The following COL6A6 variants were observed in gnomAD, a reference collection of about 807,000 sequenced individuals.
The protein encoded by COL6A6 is collagen alpha-6(VI) chain.
Under a neutral mutation model 208.6 loss-of-function variants are expected in COL6A6, and 183 were observed. That is an observed-to-expected ratio of 0.88 (90% CI 0.78 to 0.99). The LOEUF is 0.99. Among genes scored for constraint, COL6A6 ranks in the 50% least tolerant of loss-of-function variants. COL6A6 has a pLI of 0.00. For missense variants in COL6A6, 2,816 were observed against 2,815.2 expected, an observed-to-expected ratio of 1.00 and a Z score of -0.01; for synonymous variants, 973 against 1,011.8, an observed-to-expected ratio of 0.96 and a Z score of 0.73.
intron 1 of COL6A6, among the ~76,000 whole-genome samples, chr3:130,556,761 A>T (rs1268766098): frequency 6.6e-6 from 1 of 152,064 alleles, no homozygotes; most frequent in African/African-American, 2.4e-5. Flanking sequence ...AGTCCCCTGA[A>T]GTTCATGTAG....
chr3:130,665,191 A>G lies in COL6A6; in HGVS notation c.6596+95A>G, dbSNP rs1272252022. On this transcript the variant is annotated intron_variant, in intron 36 of 36. Coordinates refer to ENST00000358511, the MANE Select transcript of COL6A6 (RefSeq NM_001102608.3). ...CTTTTCTTGCTTTTCTTCCTCCTCC[A>G]TCTTATTTGGACAAAAATCTATTGC... The G allele has an allele frequency of 7.9e-6, 6 of 757,046 alleles. No individual in the cohort carries two copies. In the East Asian group the frequency reaches 8.7e-5, roughly 11 times the overall value. 46.9% of individuals were successfully genotyped at this position (757,046 alleles called of 1,614,324 possible). A position where few individuals can be genotyped will look rare whatever the true frequency, so the allele number is the denominator to read the frequency against.
At chr3:130,673,551 G>A (rs908347865) in intron 36 of COL6A6, among the ~76,000 whole-genome samples, 8 of 152,212 alleles carry the variant, frequency 5.3e-5, no homozygotes, top group Middle Eastern at 3.4e-3. Flanking sequence ...TGAAAACAGC[G>A]TGCTTCAGAC....
At chr3:130,586,725 T>C in intron 11 of COL6A6, 65 bp downstream of exon 11, 1 of 1,450,862 alleles carries the variant, frequency 6.9e-7, no homozygotes, top group South Asian at 1.4e-5. Context: ...AGTTTAATAC[T>C]TATGCTTAAG....
intron 4 of COL6A6, 68 bp from the exon 5 acceptor site, chr3:130,566,634 T>G (rs1057355410): frequency 2.3e-6 from 3 of 1,321,630 alleles, no homozygotes; most frequent in Admixed American, 2.7e-5. Flanking sequence ...TGTTCTTCTT[T>G]CCATGTGCTC....
rs1338027705 is a variant in COL6A6, at chr3:130,599,201, ATAT to A, written c.4600-552_4600-550del. Among the ~76,000 whole-genome samples the A allele has an allele frequency of 8.5e-5, 13 of 152,358 alleles. No individual in the cohort carries two copies. In the South Asian group the frequency reaches 1.9e-3, roughly 22 times the overall value. ...TTAATGACATTATAACCTTCAGTAA[ATAT>A]TATCTGCCATTATTAGTAAGTGGTA... On this transcript the variant is annotated intron_variant, in intron 19 of 36. Transcript: ENST00000358511.
chr3:130,669,133 G>A (rs1468657678), intron 36 of COL6A6, among the ~76,000 whole-genome samples: 2 of 152,172 alleles, frequency 1.3e-5, no homozygotes, highest in Non-Finnish European at 1.5e-5. Flanking sequence ...GGTGGCTCAC[G>A]CCTCTAATCC....
In COL6A6 at chr3:130,574,195, A is replaced by G; in HGVS notation, c.3217A>G (p.Ile1073Val). Reference sequence around the variant, plus strand: ...ATTTCAGATTGAAAACATCAAGCAGATCTTTGGAAACACACACATCGGTGC... The same window carrying G: ...ATTTCAGATTGAAAACATCAAGCAGGTCTTTGGAAACACACACATCGGTGC... ...ISFQIENIKQ[I>V]FGNTHIGAAL... The change falls in exon 8 of 37, where the codon ATC (isoleucine) becomes GTC (valine). Residue 1073 changes from isoleucine to valine, a missense_variant. Transcript: ENST00000358511. 1 of 1,614,000 alleles carries G rather than the reference A, an allele frequency of 6.2e-7. No homozygotes were observed. Among genetic ancestry groups the G allele is most frequent in the Non-Finnish European group, 8.5e-7 (1 of 1,179,898 alleles).
At position 130,586,636 on chromosome 3, in the gene COL6A6, T is replaced by C; in HGVS notation, c.4101T>C (p.Leu1367=). 1 of 1,612,572 alleles carries C rather than the reference T, an allele frequency of 6.2e-7. No individual in the cohort carries two copies. The highest frequency in any genetic ancestry group is 2.2e-5 in the East Asian group (1 of 44,864). ...RTQLSIGMRE[L]GSRLSKQLVN... ...AGCTCTCTATTGGCATGAGAGAACT[T>C]GGAAGCCGGCTGTCAAAGCAGCTGG... is the stretch of plus-strand genomic sequence containing the variant. Residue 1367 remains leucine, a synonymous_variant, in exon 11 of 37, where the codon CTT becomes CTC. Coordinates refer to ENST00000358511, the MANE Select transcript of COL6A6 (RefSeq NM_001102608.3).
chr3:130,665,238 T>C (rs1002498071), intron 36 of COL6A6, 142 bp downstream of exon 36: 1 of 577,782 alleles, frequency 1.7e-6, no homozygotes. Context: ...AAAATATAAT[T>C]CGAAGGAACA....
intron 27 of COL6A6, 143 bp from the exon 28 acceptor site, chr3:130,635,556 C>G (rs1036860394): frequency 5.2e-5 from 31 of 594,506 alleles, no homozygotes; most frequent in Middle Eastern, 9.0e-4. Context: ...AATGGAAACA[C>G]ACACACTCAC....
rs897896428 is a variant in COL6A6, at chr3:130,641,619, T to C, written c.5092-33T>C. The C allele has an allele frequency of 3.3e-6, 4 of 1,227,588 alleles. No individual in the cohort carries two copies. In the African/African-American group the frequency reaches 4.5e-5, roughly 14 times the overall value. 76.0% of individuals were successfully genotyped at this position (1,227,588 alleles called of 1,614,324 possible). A position where few individuals can be genotyped will look rare whatever the true frequency, so the allele number is the denominator to read the frequency against. On this transcript the variant is annotated intron_variant, in intron 28 of 36. Transcript: ENST00000358511. ...TTACACACACACATACATATATGTATAAATACAATTTTAAAATAAATTCTC... is the reference window on the plus strand; with the variant it reads ...TTACACACACACATACATATATGTACAAATACAATTTTAAAATAAATTCTC...
In COL6A6 at chr3:130,608,800, C is replaced by T. The variant is rs142710463; in HGVS notation, c.4690-102C>T. The stretch of plus-strand genomic sequence containing the variant: ...TTTTTTTTTTTTTTTTGCAAAGATC[C>T]TGCATTGACATTGTGACTGAAAAAA... On this transcript the variant is annotated intron_variant, in intron 21 of 36. Transcript: ENST00000358511. 455 of 151,126 alleles carry T rather than the reference C, an allele frequency of 3.0e-3. 2 individuals are homozygous for T. Among genetic ancestry groups the T allele is most frequent in the Non-Finnish European group, 2.6e-3 (200 of 76,272 alleles). 9.4% of individuals were successfully genotyped at this position (151,126 alleles called of 1,614,324 possible).
chr3:130,606,911 C>T lies in COL6A6; in HGVS notation c.4654-20C>T. 6.3e-7 allele frequency: 1 copy of T among 1,598,644 alleles called. No homozygotes were observed. The highest frequency in any genetic ancestry group is 1.1e-5 in the South Asian group (1 of 88,470). The stretch of plus-strand genomic sequence containing the variant: ...GCATTTTTTCTGAATTAATGATATC[C>T]ACCTTTTCTTCTATTTTAGGCAGCT... On this transcript the variant is annotated intron_variant, in intron 20 of 36. Coordinates refer to ENST00000358511, the MANE Select transcript of COL6A6 (RefSeq NM_001102608.3).
intron 11 of COL6A6, among the ~76,000 whole-genome samples, chr3:130,587,914 T>C (rs2063578864): frequency 6.6e-6 from 1 of 152,194 alleles, no homozygotes; most frequent in Admixed American, 6.5e-5. Context: ...TGGTAATTCA[T>C]AGAGGAAGGA....
chr3:130,595,980 C>T (rs1010408673), intron 18 of COL6A6, among the ~76,000 whole-genome samples: 1 of 152,086 alleles, frequency 6.6e-6, no homozygotes, highest in Non-Finnish European at 1.5e-5. Flanking sequence ...AAAAGCAATA[C>T]CAAGTGCTGA....
At chr3:130,673,219 A>AAAAAAAAAAAC (rs1559810210) in intron 36 of COL6A6, among the ~76,000 whole-genome samples, 2 of 109,630 alleles carry the variant, frequency 1.8e-5, no homozygotes, top group African/African-American at 1.2e-4. Context: ...AAAAAAAACA[A>AAAAAAAAAAAC]AAAAAAAAAA....
At chr3:130,542,898 C>CTTTTTTTTTTT (rs56339748) in intron 1 of COL6A6, among the ~76,000 whole-genome samples, 15 of 92,614 alleles carry the variant, frequency 1.6e-4, no homozygotes, top group African/African-American at 5.8e-4. Context: ...TCCATTCACT[C>CTTTTTTTTTTT]TTTTTTTTTT....
chr3:130,629,880 A>G (rs2064990258), intron 26 of COL6A6, among the ~76,000 whole-genome samples: 1 of 31,978 alleles, frequency 3.1e-5, no homozygotes, highest in Non-Finnish European at 4.3e-5. Context: ...CCTGCCCTAA[A>G]AGAGCTCCTG....
chr3:130,592,674 A>T, intron 14 of COL6A6, 22 bp from the exon 15 acceptor site: 1 of 1,613,102 alleles, frequency 6.2e-7, no homozygotes, highest in South Asian at 1.1e-5. Context: ...TACACTAACT[A>T]TAACTGTCCT....
Sources: allele counts gnomAD v4.1 joint callset (sites outside exome capture counted in the v4.1 genomes callset), GRCh38; gene constraint gnomAD v4.1.1; transcripts MANE v1.5; gene names NCBI Gene and HGNC (gene_info 2026-07-23, HGNC 2026-07-21).